Variants in TRPC1 observed in about 807,000 individuals in gnomAD.
TRPC1 encodes short transient receptor potential channel 1.
Under a neutral mutation model 88.2 loss-of-function variants are expected in TRPC1, and 42 were observed. The ratio of observed to expected loss-of-function variants is 0.48; its 90% CI spans 0.37 to 0.62. The LOEUF (loss-of-function observed/expected upper bound fraction) is 0.62, where lower values mean the gene tolerates loss of function less well. Among genes scored for constraint, TRPC1 ranks in the 20% least tolerant of loss-of-function variants. The pLI is 0.00. For missense variants in TRPC1, 699 were observed against 957.3 expected (o/e 0.73, Z 3.56); for synonymous variants, 288 against 331.8 (o/e 0.87, Z 1.43).
At chr3:142,726,067 T>C (rs1933658809) in intron 1 of TRPC1, among the ~76,000 whole-genome samples, 1 of 152,170 alleles carries the variant, frequency 6.6e-6, no homozygotes, top group African/African-American at 2.4e-5. Context: ...AAATAGGGTC[T>C]GTGGATTATG....
chr3:142,729,684 A>G (rs1243344813), intron 1 of TRPC1, among the ~76,000 whole-genome samples: 4 of 152,190 alleles, frequency 2.6e-5, no homozygotes, highest in African/African-American at 7.2e-5. Flanking sequence ...TTCCTCTTCT[A>G]CCTTGCTGCC....
At chr3:142,726,859 T>C (rs1366894540) in intron 1 of TRPC1, among the ~76,000 whole-genome samples, 1 of 152,212 alleles carries the variant, frequency 6.6e-6, no homozygotes, top group Non-Finnish European at 1.5e-5. Flanking sequence ...GGGTCGAGTG[T>C]TCATGCTTTT....
intron 3 of TRPC1, among the ~76,000 whole-genome samples, chr3:142,744,738 A>AT (rs900218120): frequency 5.3e-5 from 8 of 152,092 alleles, no homozygotes; most frequent in African/African-American, 1.4e-4. Context: ...CAAATTATGG[A>AT]TTTTTTTGTA....
At chr3:142,772,218 G>GT (rs1935601737) in intron 4 of TRPC1, among the ~76,000 whole-genome samples, 1 of 152,096 alleles carries the variant, frequency 6.6e-6, no homozygotes, top group African/African-American at 2.4e-5. Flanking sequence ...AATTTGGGAA[G>GT]TTGTTAGCTA....
At chr3:142,733,679 GT>G (rs1164766200) in intron 1 of TRPC1, among the ~76,000 whole-genome samples, 5 of 152,136 alleles carry the variant, frequency 3.3e-5, no homozygotes, top group South Asian at 2.1e-4. Flanking sequence ...CTCTTCCTAC[GT>G]TTCTGTCTCT....
At chr3:142,799,556 A>T (rs578052942) in intron 9 of TRPC1, among the ~76,000 whole-genome samples, 1 of 152,256 alleles carries the variant, frequency 6.6e-6, no homozygotes, top group East Asian at 1.9e-4. Flanking sequence ...TTCTAATTGC[A>T]GCACTTTGGG....
chr3:142,736,045 TGC>T (rs1479326541), intron 1 of TRPC1, among the ~76,000 whole-genome samples: 1 of 152,174 alleles, frequency 6.6e-6, no homozygotes, highest in Non-Finnish European at 1.5e-5. Context: ...GTCCAGTCTG[TGC>T]CTTTGGGCAT....
intron 4 of TRPC1, among the ~76,000 whole-genome samples, chr3:142,754,349 G>C (rs1934885020): frequency 6.6e-6 from 1 of 151,900 alleles, no homozygotes; most frequent in Admixed American, 6.6e-5. Context: ...AAAAAAACTT[G>C]AGAAACACCG....
intron 4 of TRPC1, among the ~76,000 whole-genome samples, chr3:142,771,572 TTCTA>T (rs1935580381): frequency 6.6e-6 from 1 of 152,332 alleles, no homozygotes; most frequent in East Asian, 1.9e-4. Context: ...GTTATACATA[TTCTA>T]TCTATTAATA....
intron 4 of TRPC1, among the ~76,000 whole-genome samples, chr3:142,766,066 T>C (rs1935376223): frequency 6.6e-6 from 1 of 152,014 alleles, no homozygotes; most frequent in Non-Finnish European, 1.5e-5. Flanking sequence ...GGCAAGGTTA[T>C]GGAGAAAAAG....
chr3:142,753,067 TCCCTACA>T (rs1170146137), intron 4 of TRPC1, among the ~76,000 whole-genome samples: 1 of 152,214 alleles, frequency 6.6e-6, no homozygotes, highest in African/African-American at 2.4e-5. Flanking sequence ...CTCTTTCTTT[TCCCTACA>T]ATTAAGTGTG....
At chr3:142,804,715 T>G in intron 12 of TRPC1, 85 bp downstream of exon 12, 1 of 1,306,264 alleles carries the variant, frequency 7.7e-7, no homozygotes. Flanking sequence ...AGTATGCAGG[T>G]TCCCTAAGGG....
chr3:142,791,112 C>G lies in TRPC1; in HGVS notation c.1391C>G (p.Ser464Cys), dbSNP rs1936283395. The G allele has an allele frequency of 6.2e-6, 10 of 1,609,544 alleles. No individual in the cohort carries two copies. Among genetic ancestry groups the G allele is most frequent in the Non-Finnish European group, 7.6e-6 (9 of 1,178,036 alleles). Residue 464 changes from serine (S) to cysteine (C), a missense_variant, in exon 8 of 13, where the codon TCT becomes TGT. Transcript: ENST00000476941. Reference sequence around the variant, plus strand: ...AATCAACTCAGTTTTGTCATGAATTCTCTTTATTTGGCAACCTTTGCCCTC... The same window carrying G: ...AATCAACTCAGTTTTGTCATGAATTGTCTTTATTTGGCAACCTTTGCCCTC... ...SRNQLSFVMNSLYLATFALKV... is the reference protein window; with the variant it reads ...SRNQLSFVMNCLYLATFALKV...
chr3:142,774,731 G>A (rs1189816743), intron 4 of TRPC1, among the ~76,000 whole-genome samples: 1 of 151,956 alleles, frequency 6.6e-6, no homozygotes, highest in Non-Finnish European at 1.5e-5. Context: ...TTTTTGTGGA[G>A]GGGAATTACT....
intron 6 of TRPC1, among the ~76,000 whole-genome samples, chr3:142,784,366 GCTTTAC>G (rs1025250581): frequency 5.2e-5 from 7 of 133,854 alleles, no homozygotes; most frequent in Non-Finnish European, 7.4e-5. Flanking sequence ...TATTCTGAGG[GCTTTAC>G]CTTTAATCTT....
In TRPC1 at chr3:142,784,696, C is replaced by T; in HGVS notation, c.961-8C>T. The T allele has an allele frequency of 6.2e-7, 1 of 1,602,958 alleles. No homozygotes were observed. The highest frequency in any genetic ancestry group is 2.2e-5 in the East Asian group (1 of 44,750). On this transcript the variant is annotated splice_region_variant and splice_polypyrimidine_tract_variant and intron_variant, in intron 6 of 12. Coordinates refer to ENST00000476941, the MANE Select transcript of TRPC1 (RefSeq NM_001251845.2). ...TTTCTTTTTAATGTGTGTGTATGTC[C>T]TTTTCAGTTTGTCTCCCAGTCTAAC... is the stretch of plus-strand genomic sequence containing the variant.
At chr3:142,780,271 G>C (rs1431415178) in intron 5 of TRPC1, among the ~76,000 whole-genome samples, 1 of 152,194 alleles carries the variant, frequency 6.6e-6, no homozygotes, top group Non-Finnish European at 1.5e-5. Context: ...CTGAAAGAGA[G>C]GTTTTTGTTA....
intron 1 of TRPC1, among the ~76,000 whole-genome samples, chr3:142,735,777 T>C (rs1934111245): frequency 6.6e-6 from 1 of 150,614 alleles, no homozygotes; most frequent in African/African-American, 2.4e-5. Flanking sequence ...AATGAGATGG[T>C]GTGTGTGTGT....
At chr3:142,770,115 T>A (rs1316232585) in intron 4 of TRPC1, among the ~76,000 whole-genome samples, 1 of 145,516 alleles carries the variant, frequency 6.9e-6, no homozygotes, top group Non-Finnish European at 1.5e-5. Context: ...TTTTTTTTTT[T>A]GAGACAGAGT....
Sources: gnomAD v4.1 joint callset for allele counts (sites outside exome capture counted in the v4.1 genomes callset) on GRCh38, gnomAD v4.1.1 for gene constraint, MANE v1.5 for transcripts, NCBI Gene and HGNC (gene_info 2026-07-23, HGNC 2026-07-21) for gene names.